Variants in PHYHIPL observed in about 807,000 individuals in gnomAD.
PHYHIPL encodes phytanoyl-CoA 2-hydroxylase interacting protein like, also known as phytanoyl-CoA hydroxylase-interacting protein-like.
PHYHIPL carries 9 observed loss-of-function variants against 33.4 expected under a neutral mutation model. The observed-to-expected ratio is 0.27, with a 90% CI of 0.16 to 0.47. PHYHIPL has a LOEUF of 0.47. Among genes scored for constraint, PHYHIPL ranks in the 20% least tolerant of loss-of-function variants. The probability of loss-of-function intolerance (pLI) is 0.99; values close to 1 mark genes in which losing one functional copy is unlikely to be tolerated. For missense variants in PHYHIPL, 365 were observed against 460.7 expected (o/e 0.79, Z 1.90); for synonymous variants, 153 against 154.1 (o/e 0.99, Z 0.05).
At chr10:59,197,168 A>G (rs951173607) in intron 1 of PHYHIPL, among the ~76,000 whole-genome samples, 1 of 152,190 alleles carries the variant, frequency 6.6e-6, no homozygotes, top group Non-Finnish European at 1.5e-5. Flanking sequence ...CATTCTTCAC[A>G]TAAAATATTA....
At chr10:59,194,417 G>A (rs1298829104) in intron 1 of PHYHIPL, among the ~76,000 whole-genome samples, 1 of 151,866 alleles carries the variant, frequency 6.6e-6, no homozygotes, top group Non-Finnish European at 1.5e-5. Flanking sequence ...ACACCACCTA[G>A]TTTCACTCTA....
chr10:59,185,052 G>A (rs1309957568), intron 1 of PHYHIPL, among the ~76,000 whole-genome samples: 1 of 147,292 alleles, frequency 6.8e-6, no homozygotes, highest in Non-Finnish European at 1.5e-5. Flanking sequence ...GTGCAGTGGC[G>A]GGATCTCGGC....
chr10:59,239,704 T>C (rs1840334191), intron 4 of PHYHIPL, among the ~76,000 whole-genome samples: 1 of 152,034 alleles, frequency 6.6e-6, no homozygotes, highest in African/African-American at 2.4e-5. Flanking sequence ...CTTTCATATT[T>C]GTAGAAGAAA....
chr10:59,211,656 G>A (rs1433294736), intron 1 of PHYHIPL, among the ~76,000 whole-genome samples: 1 of 90,480 alleles, frequency 1.1e-5, no homozygotes, highest in Non-Finnish European at 2.0e-5. Context: ...GATTATAGGC[G>A]GACTCTCTAA....
At chr10:59,227,975 G>GATAGATATATATATATATATATATAT (rs1554799095) in intron 1 of PHYHIPL, among the ~76,000 whole-genome samples, 4 of 145,566 alleles carry the variant, frequency 2.7e-5, no homozygotes, top group African/African-American at 1.1e-4. Flanking sequence ...TGCCTATTGA[G>GATAGATATATATATATATATATATAT]ATATATATAT....
intron 4 of PHYHIPL, 53 bp from the exon 5 acceptor site, chr10:59,245,004 C>T (rs905465870): frequency 1.3e-6 from 2 of 1,522,434 alleles, no homozygotes; most frequent in Non-Finnish European, 1.8e-6. Context: ...ATATATAAAT[C>T]AGTGGGTTTA....
At chr10:59,231,061 T>G (rs1428978087) in intron 1 of PHYHIPL, among the ~76,000 whole-genome samples, 3 of 151,552 alleles carry the variant, frequency 2.0e-5, no homozygotes. Context: ...ATAAAGCACA[T>G]TTTTAAAAAA....
At chr10:59,227,975 G>GAGATATATATATATATATATATAT (rs10530291) in intron 1 of PHYHIPL, among the ~76,000 whole-genome samples, 4,222 of 145,268 alleles carry the variant, frequency 0.029, 92 homozygotes, top group South Asian at 0.054. Context: ...TGCCTATTGA[G>GAGATATATATATATATATATATAT]ATATATATAT....
chr10:59,214,459 G>A (rs1427041125), intron 1 of PHYHIPL, among the ~76,000 whole-genome samples: 1 of 152,010 alleles, frequency 6.6e-6, no homozygotes, highest in Non-Finnish European at 1.5e-5. Flanking sequence ...TACAGAAAAA[G>A]ATCTGAAAAA....
At chr10:59,203,487 A>G (rs113155930) in intron 1 of PHYHIPL, among the ~76,000 whole-genome samples, 6,990 of 152,234 alleles carry the variant, frequency 0.046, 446 homozygotes, top group African/African-American at 0.14. Flanking sequence ...TTGTGGCAGT[A>G]TTCACAATAG....
chr10:59,229,996 C>G (rs181701928), intron 1 of PHYHIPL, among the ~76,000 whole-genome samples: 1 of 152,018 alleles, frequency 6.6e-6, no homozygotes, highest in African/African-American at 2.4e-5. Flanking sequence ...TTTACTGATA[C>G]ATAGAAATTC....
rs1311708876 is a variant in PHYHIPL, at chr10:59,176,734, C to G, written c.-120C>G. 1.0e-5 allele frequency: 9 copies of G among 880,498 alleles called. No homozygotes were observed. The highest frequency in any genetic ancestry group is 1.5e-5 in the Non-Finnish European group (9 of 589,822). 54.5% of individuals were successfully genotyped at this position (880,498 alleles called of 1,614,324 possible). A position where few individuals can be genotyped will look rare whatever the true frequency, so the allele number is the denominator to read the frequency against. On this transcript the variant is annotated 5_prime_UTR_variant, in exon 1 of 5. Transcript: ENST00000373880. ...CCTCAGCCTCGGCGCCGCATCACCG[C>G]GTCCCAGGCCTCCTTCCCTCCCTCT...
At chr10:59,183,564 G>A (rs1175985005) in intron 1 of PHYHIPL, 2 of 619,504 alleles carry the variant, frequency 3.2e-6, no homozygotes, top group Non-Finnish European at 4.0e-6. Context: ...CACCCTTTGA[G>A]GGAAAGGGGT....
chr10:59,192,443 G>A lies in PHYHIPL; in HGVS notation c.106+15484G>A, dbSNP rs115376974. ...TTTGCATTTCTAACAAATTTCTAGG[G>A]GATGTTGGTGTTGGTGATCCAGGGT... On this transcript the variant is annotated intron_variant, in intron 1 of 4. Transcript: ENST00000373880. Among the ~76,000 whole-genome samples the A allele has an allele frequency of 5.5e-3, 834 of 152,108 alleles. 9 individuals are homozygous for A. The highest frequency in any genetic ancestry group is 0.019 in the African/African-American group (798 of 41,474).
At chr10:59,191,531 T>C (rs888781248) in intron 1 of PHYHIPL, among the ~76,000 whole-genome samples, 1 of 151,998 alleles carries the variant, frequency 6.6e-6, no homozygotes, top group East Asian at 1.9e-4. Flanking sequence ...ACCATATCAC[T>C]ATTTTGCCAA....
chr10:59,207,109 A>G (rs1839306047), intron 1 of PHYHIPL, among the ~76,000 whole-genome samples: 1 of 152,322 alleles, frequency 6.6e-6, no homozygotes, highest in East Asian at 1.9e-4. Context: ...TGTATACATT[A>G]CTTAAGAATA....
At chr10:59,243,848 G>A (rs1309917512) in intron 4 of PHYHIPL, among the ~76,000 whole-genome samples, 1 of 152,104 alleles carries the variant, frequency 6.6e-6, no homozygotes, top group African/African-American at 2.4e-5. Flanking sequence ...TGTAGTCAGG[G>A]TTACGGTAAC....
chr10:59,217,535 A>G (rs1006624308), intron 1 of PHYHIPL, among the ~76,000 whole-genome samples: 2 of 151,900 alleles, frequency 1.3e-5, no homozygotes, highest in Admixed American at 1.3e-4. Flanking sequence ...GAAATGTTTT[A>G]GCTGCTTCTC....
chr10:59,173,799 T>C (rs561817172), upstream of PHYHIPL, among the ~76,000 whole-genome samples: 15 of 152,222 alleles, frequency 9.9e-5, no homozygotes, highest in African/African-American at 3.4e-4. Context: ...GGAAAAGGAA[T>C]TGTGGTTTCT....
Sources: gnomAD v4.1 joint callset for allele counts (sites outside exome capture counted in the v4.1 genomes callset) on GRCh38, gnomAD v4.1.1 for gene constraint, MANE v1.5 for transcripts, NCBI Gene and HGNC (gene_info 2026-07-23, HGNC 2026-07-21) for gene names.